Variants in WNT4 observed in about 807,000 individuals in gnomAD.
The protein encoded by WNT4 is protein Wnt-4.
A neutral mutation model predicts 34.5 loss-of-function variants in WNT4; 16 were observed. The ratio of observed to expected loss-of-function variants is 0.46; its 90% confidence interval spans 0.31 to 0.70. The LOEUF is 0.70. Ranked by LOEUF, WNT4 falls within the 30% of genes least tolerant of loss-of-function variation. WNT4 has a pLI of 0.04. For synonymous variants in WNT4, 200 were observed against 211.9 expected, an observed-to-expected ratio of 0.94 and a Z score of 0.49; for missense variants, 379 against 495.9, an observed-to-expected ratio of 0.76 and a Z score of 2.24.
At position 22,119,811 on chromosome 1, in the gene WNT4, G is replaced by A; in HGVS notation, c.*239C>T. On this transcript the variant is annotated 3_prime_UTR_variant, in exon 5 of 5. Coordinates refer to ENST00000290167, the MANE Select transcript of WNT4 (RefSeq NM_030761.5). The stretch of plus-strand genomic sequence containing the variant: ...GGCAGCCACATGCGGGCAGCCAGCG[G>A]CACGAGCAAGGTCCCTTTGGTCAGT... 1 of 590,444 alleles carries A rather than the reference G, an allele frequency of 1.7e-6. No individual in the cohort carries two copies. Among genetic ancestry groups the A allele is most frequent in the Non-Finnish European group, 3.0e-6 (1 of 332,146 alleles). 36.6% of individuals were successfully genotyped at this position (590,444 alleles called of 1,614,324 possible).
chr1:22,119,954 A>C lies in WNT4; in HGVS notation c.*96T>G. 1.4e-6 allele frequency: 2 copies of C among 1,452,088 alleles called. No homozygotes were observed. Among genetic ancestry groups the C allele is most frequent in the Non-Finnish European group, 1.9e-6 (2 of 1,070,248 alleles). The allele number at this position is 1,452,088 out of a possible 1,614,324, so 90.0% of individuals were successfully genotyped here. On this transcript the variant is annotated 3_prime_UTR_variant, in exon 5 of 5. Transcript: ENST00000290167. ...AAAACCAAACCAGAACAAAAAATAC[A>C]ACCAGTATCTCTTGGGGTAGGTGGT... is the stretch of plus-strand genomic sequence containing the variant.
intron 1 of WNT4, among the ~76,000 whole-genome samples, chr1:22,131,509 C>G (rs901572586): frequency 3.3e-5 from 5 of 152,174 alleles, no homozygotes; most frequent in African/African-American, 1.2e-4. Flanking sequence ...AGCTCTGACT[C>G]AGGGATGCCA....
At chr1:22,136,241 G>A (rs1010500087) in intron 1 of WNT4, among the ~76,000 whole-genome samples, 1 of 152,108 alleles carries the variant, frequency 6.6e-6, no homozygotes, top group African/African-American at 2.4e-5. Context: ...GGGGGAGTGG[G>A]TATCAAATTT....
Position 22,121,307 on chromosome 1 carries a change from G to C in WNT4, c.492C>G (p.Ala164=), listed in dbSNP as rs17854936. The change falls in exon 4 of 5, where the codon GCC becomes GCG. Residue 164 remains alanine (A), a synonymous_variant. Transcript: ENST00000290167. ...GCSDNIAYGV[A]FSQSFVDVRE... ...GCACATCCACAAACGACTGTGAGAA[G>C]GCCACACCGTAGGCGATGTTGTCAG... 6.2e-7 allele frequency: 1 copy of C among 1,614,208 alleles called. No homozygotes were observed. The highest frequency in any genetic ancestry group is 8.5e-7 in the Non-Finnish European group (1 of 1,180,032).
Position 22,142,944 on chromosome 1 carries a change from C to T in WNT4, c.-22G>A. The T allele has an allele frequency of 1.8e-6, 2 of 1,081,444 alleles. No homozygotes were observed. Among genetic ancestry groups the T allele is most frequent in the Non-Finnish European group, 2.3e-6 (2 of 881,958 alleles). 67.0% of individuals were successfully genotyped at this position (1,081,444 alleles called of 1,614,324 possible). A position where few individuals can be genotyped will look rare whatever the true frequency, so the allele number is the denominator to read the frequency against. On this transcript the variant is annotated 5_prime_UTR_variant, in exon 1 of 5. Coordinates refer to ENST00000290167, the MANE Select transcript of WNT4 (RefSeq NM_030761.5). This position sits in a 1 kb window ranked among gnomAD's most constrained non-coding sequence, Gnocchi z 6.0. ...TCATGGTGCCGCCGCGGGCGCCCGG[C>T]CCGGGGCAGCGGCTGCGGCCGCGGG...
Position 22,140,816 on chromosome 1 carries a change from G to C in WNT4, c.77+2030C>G, listed in dbSNP as rs527627594. ...GCTGGGTCATCCAGAGACCTGCTTC[G>C]TGGCAACCTGAACCATCACCGTTGC... On this transcript the variant is annotated intron_variant, in intron 1 of 4. Transcript: ENST00000290167. This position sits in a 1 kb window ranked among gnomAD's most constrained non-coding sequence, Gnocchi z 5.9. Among the ~76,000 whole-genome samples, 2 of 152,188 alleles carry C rather than the reference G, an allele frequency of 1.3e-5. No homozygotes were observed. The highest frequency in any genetic ancestry group is 6.5e-5 in the Admixed American group (1 of 15,284).
In WNT4 at chr1:22,134,669, A is replaced by G. The variant is rs1422686166; in HGVS notation, c.78-4818T>C. Among the ~76,000 whole-genome samples the G allele has an allele frequency of 6.6e-6, 1 of 152,090 alleles. No individual in the cohort carries two copies. Among genetic ancestry groups the G allele is most frequent in the Non-Finnish European group, 1.5e-5 (1 of 67,990 alleles). On this transcript the variant is annotated intron_variant, in intron 1 of 4. Transcript: ENST00000290167. The surrounding 1 kb of genome is among the most constrained non-coding windows in gnomAD (Gnocchi z 4.1). ...TTCCTGCACGCAGGAGGCCTAAATG[A>G]ATGAAATCTGTGTGCAGGAGATGCT...
chr1:22,128,587 G>T (rs1018019511), intron 2 of WNT4, among the ~76,000 whole-genome samples: 2 of 152,210 alleles, frequency 1.3e-5, no homozygotes, highest in Admixed American at 1.3e-4. Context: ...CCAGCCAGGG[G>T]TGGTGTCCAC....
In WNT4 at chr1:22,121,569, C is replaced by T. The variant is rs371165935; in HGVS notation, c.321G>A (p.Arg107=). ...VFGKVVTQGT[R]EAAFVYAISS... ...AGATGGCGTACACGAAGGCCGCCTC[C>T]CGAGTCCCTGTGGGAGGCAGAGGGA... The change falls in exon 3 of 5, where the codon CGG becomes CGA. Residue 107 remains arginine (R), a synonymous_variant. Coordinates refer to ENST00000290167, the MANE Select transcript of WNT4 (RefSeq NM_030761.5). 24 of 1,613,120 alleles carry T rather than the reference C, an allele frequency of 1.5e-5. No individual in the cohort carries two copies. The Admixed American group carries it at 1.5e-4, about 10-fold the overall frequency.
In WNT4 at chr1:22,138,482, C is replaced by T. The variant is rs543378945; in HGVS notation, c.77+4364G>A. Among the ~76,000 whole-genome samples, 229 of 152,184 alleles carry T rather than the reference C, an allele frequency of 1.5e-3. 1 individual carries two copies. Among genetic ancestry groups the T allele is most frequent in the Non-Finnish European group, 1.4e-3 (93 of 68,002 alleles). On this transcript the variant is annotated intron_variant, in intron 1 of 4. Coordinates refer to ENST00000290167, the MANE Select transcript of WNT4 (RefSeq NM_030761.5). The stretch of plus-strand genomic sequence containing the variant: ...GGGGGGATGTTACTGGCTATCTAGC[C>T]GGTAAAGGTCAGGTATGCTGCTAAG...
intron 1 of WNT4, among the ~76,000 whole-genome samples, chr1:22,130,995 A>T (rs1423942023): frequency 6.6e-6 from 1 of 152,236 alleles, no homozygotes; most frequent in Admixed American, 6.5e-5. Flanking sequence ...CATTTAAAAG[A>T]GGAGGAAACT....
In WNT4 at chr1:22,120,238, C is replaced by G; in HGVS notation, c.868G>C (p.Gly290Arg). 1 of 1,614,148 alleles carries G rather than the reference C, an allele frequency of 6.2e-7. No homozygotes were observed. The highest frequency in any genetic ancestry group is 8.5e-7 in the Non-Finnish European group (1 of 1,180,010). ...CEQDMRSGVL[G>R]TRGRTCNKTS... Reference sequence around the variant, plus strand: ...TTGTTGCATGTGCGGCCCCTCGTGCCCAGCACGCCGCTGCGCATGTCCTGC... The same window carrying G: ...TTGTTGCATGTGCGGCCCCTCGTGCGCAGCACGCCGCTGCGCATGTCCTGC... The change falls in exon 5 of 5, where the codon GGC (glycine) becomes CGC (arginine). Residue 290 changes from glycine to arginine, a missense_variant. Gly to Arg is a moderately radical substitution (Grantham distance 125, BLOSUM62 -2). This residue lies in a region of WNT4 where 313 missense variants were observed against 445.8 expected (regional missense o/e 0.70). Transcript: ENST00000290167.
rs1246282064 is a variant in WNT4, at chr1:22,137,393, C to A, written c.77+5453G>T. On this transcript the variant is annotated intron_variant, in intron 1 of 4. Coordinates refer to ENST00000290167, the MANE Select transcript of WNT4 (RefSeq NM_030761.5). The surrounding 1 kb of genome is among the most constrained non-coding windows in gnomAD (Gnocchi z 5.3). ...GGTCGCAGCTCTGCCTGCAGCTGCG[C>A]CTGCTCCATGCAGTGAAGGGGTGAC... is the stretch of plus-strand genomic sequence containing the variant. Among the ~76,000 whole-genome samples the A allele has an allele frequency of 1.3e-5, 2 of 152,184 alleles. No individual in the cohort carries two copies. The highest frequency in any genetic ancestry group is 4.8e-5 in the African/African-American group (2 of 41,448).
rs12077643 is a variant in WNT4 at position 22,134,099 on chromosome 1, G to C, written c.78-4248C>G. Among the ~76,000 whole-genome samples the C allele has an allele frequency of 6.6e-6, 1 of 152,246 alleles. No homozygotes were observed. Among genetic ancestry groups the C allele is most frequent in the Non-Finnish European group, 1.5e-5 (1 of 68,046 alleles). On this transcript the variant is annotated intron_variant, in intron 1 of 4. Coordinates refer to ENST00000290167, the MANE Select transcript of WNT4 (RefSeq NM_030761.5). This position sits in a 1 kb window ranked among gnomAD's most constrained non-coding sequence, Gnocchi z 4.1. ...TTGGGAGGCCAAGCAGATCAGTGTC[G>C]TGGGTCCCGGCCCTGCGGGTGTCCA...
At chr1:22,123,076 C>G (rs1645914923) in intron 2 of WNT4, among the ~76,000 whole-genome samples, 1 of 152,214 alleles carries the variant, frequency 6.6e-6, no homozygotes, top group Non-Finnish European at 1.5e-5. Flanking sequence ...CTGTGGCCGC[C>G]CAAAGAGAGA....
intron 1 of WNT4, among the ~76,000 whole-genome samples, chr1:22,141,133 G>A (rs1191596854): frequency 6.6e-6 from 1 of 152,200 alleles, no homozygotes; most frequent in Non-Finnish European, 1.5e-5. Flanking sequence ...TGGGCAAGTA[G>A]CTTCCACTCC....
At chr1:22,138,751 T>C (rs1646042365) in intron 1 of WNT4, among the ~76,000 whole-genome samples, 1 of 152,136 alleles carries the variant, frequency 6.6e-6, no homozygotes, top group South Asian at 2.1e-4. Flanking sequence ...GTGGGCCACA[T>C]CTTTACCTGT....
Position 22,142,896 on chromosome 1 carries a change from C to T in WNT4, c.27G>A (p.Ser9=). ...AGACGGCGAAGACGAGGAGGCGCAG[C>T]GAACGCAGGCACGAGCGGGGACTCA... MSPRSCLR[S]LRLLVFAVFS... Residue 9 remains serine, a synonymous_variant, in exon 1 of 5, where the codon TCG becomes TCA. Transcript: ENST00000290167. The surrounding 1 kb of genome is among the most constrained non-coding windows in gnomAD (Gnocchi z 6.0). The T allele has an allele frequency of 8.3e-7, 1 of 1,209,136 alleles. No individual in the cohort carries two copies. The highest frequency in any genetic ancestry group is 1.1e-6 in the Non-Finnish European group (1 of 944,824). 74.9% of individuals were successfully genotyped at this position (1,209,136 alleles called of 1,614,324 possible).
At chr1:22,120,984 G>T (rs1645893079) in intron 4 of WNT4, among the ~76,000 whole-genome samples, 1 of 152,002 alleles carries the variant, frequency 6.6e-6, no homozygotes, top group Non-Finnish European at 1.5e-5. Context: ...GTATGTGTGT[G>T]GGGGGGCCAT....
Sources: allele counts gnomAD v4.1 joint callset (sites outside exome capture counted in the v4.1 genomes callset), GRCh38; gene constraint gnomAD v4.1.1; regional missense constraint gnomAD v4.1.1; non-coding constraint Gnocchi (gnomAD v3.1); transcripts MANE v1.5; gene names NCBI Gene and HGNC (gene_info 2026-07-23, HGNC 2026-07-21).